Variants in LRRC69 observed in about 807,000 individuals in gnomAD.
The protein encoded by LRRC69 is leucine-rich repeat-containing protein 69.
In LRRC69, 42 loss-of-function variants were observed where a neutral mutation model predicts 37.8. The observed-to-expected ratio is 1.11, with a 90% CI of 0.87 to 1.44. The LOEUF is 1.44. Ranked by LOEUF, LRRC69 falls within the 40% of genes most tolerant of loss-of-function variation. The pLI is 0.00. For missense variants in LRRC69, 357 were observed against 401.9 expected (o/e 0.89, Z 0.96); for synonymous variants, 141 against 143.1 (o/e 0.99, Z 0.11).
intron 3 of LRRC69, among the ~76,000 whole-genome samples, chr8:91,127,921 T>G (rs1352240259): frequency 2.6e-5 from 4 of 152,078 alleles, no homozygotes; most frequent in Non-Finnish European, 5.9e-5. Flanking sequence ...AATTTACTTG[T>G]CTATACCTCT....
At chr8:91,209,613 T>G (rs1809869263) in intron 7 of LRRC69, 1 of 152,182 alleles carries the variant, frequency 6.6e-6, no homozygotes. Flanking sequence ...TGGGAAGATA[T>G]GTGCATGGTT....
intron 5 of LRRC69, among the ~76,000 whole-genome samples, chr8:91,139,904 C>T (rs956575642): frequency 8.6e-5 from 13 of 151,436 alleles, no homozygotes; most frequent in African/African-American, 3.1e-4. Context: ...GCCTGACCAA[C>T]ATGGAGAAAC....
chr8:91,170,905 T>C (rs1221122722), intron 5 of LRRC69, among the ~76,000 whole-genome samples: 2 of 135,710 alleles, frequency 1.5e-5, no homozygotes, highest in Non-Finnish European at 3.1e-5. Flanking sequence ...ACAAATGGGA[T>C]CTAATTAAAC....
chr8:91,113,561 T>A (rs185634221), intron 1 of LRRC69, among the ~76,000 whole-genome samples: 1 of 152,042 alleles, frequency 6.6e-6, no homozygotes, highest in East Asian at 1.9e-4. Context: ...AAAAATCAAC[T>A]TAAAATGGAT....
chr8:91,197,229 C>A (rs1190835829), intron 6 of LRRC69, among the ~76,000 whole-genome samples: 1 of 152,160 alleles, frequency 6.6e-6, no homozygotes. Context: ...GCTGGGAGAA[C>A]CACTGCTCTC....
At chr8:91,217,695 G>A (rs1657216203) in intron 7 of LRRC69, among the ~76,000 whole-genome samples, 1 of 152,100 alleles carries the variant, frequency 6.6e-6, no homozygotes, top group Non-Finnish European at 1.5e-5. Flanking sequence ...GTTGCCCAAA[G>A]GAAAAACAGG....
intron 3 of LRRC69, among the ~76,000 whole-genome samples, chr8:91,128,925 T>C (rs1813762375): frequency 6.6e-6 from 1 of 152,040 alleles, no homozygotes; most frequent in Non-Finnish European, 1.5e-5. Context: ...GGGTGGTATA[T>C]TTAATGCAGA....
intron 5 of LRRC69, among the ~76,000 whole-genome samples, chr8:91,165,000 A>G (rs1238250377): frequency 6.6e-6 from 1 of 151,670 alleles, no homozygotes; most frequent in Non-Finnish European, 1.5e-5. Flanking sequence ...CCTAACTCCT[A>G]TAGGCTCACT....
At chr8:91,147,006 G>A (rs1317830272) in intron 5 of LRRC69, among the ~76,000 whole-genome samples, 1 of 151,352 alleles carries the variant, frequency 6.6e-6, no homozygotes, top group Non-Finnish European at 1.5e-5. Flanking sequence ...TGAGAAACTA[G>A]TTTACATTCC....
chr8:91,196,253 C>T (rs2130621079), intron 6 of LRRC69, among the ~76,000 whole-genome samples: 1 of 151,972 alleles, frequency 6.6e-6, no homozygotes, highest in South Asian at 2.1e-4. Flanking sequence ...GGTAACCCGA[C>T]CTTTCTCTCT....
chr8:91,121,028 T>C (rs1390296051), intron 1 of LRRC69, among the ~76,000 whole-genome samples: 1 of 151,976 alleles, frequency 6.6e-6, no homozygotes, highest in Non-Finnish European at 1.5e-5. Context: ...AGTTTCCCCA[T>C]CTCAGGTGCT....
At chr8:91,147,681 A>G (rs776225262) in intron 5 of LRRC69, among the ~76,000 whole-genome samples, 2 of 151,798 alleles carry the variant, frequency 1.3e-5, no homozygotes, top group African/African-American at 2.4e-5. Context: ...ACGAAGTTTT[A>G]TATCATTTTA....
At chr8:91,187,924 C>T (rs1809431103) in intron 5 of LRRC69, among the ~76,000 whole-genome samples, 1 of 152,126 alleles carries the variant, frequency 6.6e-6, no homozygotes, top group South Asian at 2.1e-4. Flanking sequence ...ATTGATCTCT[C>T]TGTATTGGTT....
At chr8:91,137,650 G>A (rs1015824938) in intron 5 of LRRC69, among the ~76,000 whole-genome samples, 32 of 152,054 alleles carry the variant, frequency 2.1e-4, no homozygotes, top group Non-Finnish European at 4.4e-5. Context: ...TGACAGGTCT[G>A]AGTTGGTTTC....
At chr8:91,210,562 G>GACACACACACACACACAC (rs35968986) in intron 7 of LRRC69, among the ~76,000 whole-genome samples, 37 of 146,198 alleles carry the variant, frequency 2.5e-4, no homozygotes, top group African/African-American at 7.8e-4. Context: ...CACACACACA[G>GACACACACACACACACAC]ACACACACAC....
Position 91,157,297 on chromosome 8 carries a change from G to T in LRRC69, c.651+21558G>T, listed in dbSNP as rs561718268. The T allele has an allele frequency of 9.7e-5, 156 of 1,607,222 alleles. 1 individual carries two copies. In the African/African-American group the frequency reaches 1.8e-3, roughly 19 times the overall value. On this transcript the variant is annotated intron_variant, in intron 5 of 7. Transcript: ENST00000448384. The stretch of plus-strand genomic sequence containing the variant: ...CTTTCTCACAGGTGTGCCTCCTTCA[G>T]CTTCCCATGTGGCACCCACAGAAAC...
chr8:91,104,910 T>C (rs954756863), intron 1 of LRRC69, among the ~76,000 whole-genome samples: 43 of 152,218 alleles, frequency 2.8e-4, no homozygotes, highest in Non-Finnish European at 5.6e-4. Flanking sequence ...TATATTTCCA[T>C]AGGAAAAAGC....
intron 5 of LRRC69, among the ~76,000 whole-genome samples, chr8:91,182,848 G>A (rs1283294952): frequency 1.3e-5 from 2 of 152,198 alleles, no homozygotes; most frequent in African/African-American, 4.8e-5. Flanking sequence ...CATTTTAAAT[G>A]TATAATTACA....
At chr8:91,114,197 G>A (rs1013674874) in intron 1 of LRRC69, among the ~76,000 whole-genome samples, 7 of 151,864 alleles carry the variant, frequency 4.6e-5, no homozygotes, top group Admixed American at 2.0e-4. Flanking sequence ...GGAAATGTTC[G>A]TACATTGTTG....
Sources: gnomAD v4.1 joint callset for allele counts (sites outside exome capture counted in the v4.1 genomes callset) on GRCh38, gnomAD v4.1.1 for gene constraint, MANE v1.5 for transcripts, NCBI Gene and HGNC (gene_info 2026-07-23, HGNC 2026-07-21) for gene names.